The following BTRC variants were observed in gnomAD, a reference collection of about 807,000 sequenced individuals.
BTRC encodes the protein F-box/WD repeat-containing protein 1A.
BTRC carries 42 observed loss-of-function variants against 85.5 expected under a neutral mutation model. That is an observed-to-expected ratio of 0.49 (90% confidence interval 0.38 to 0.64). The LOEUF is 0.64. Among genes scored for constraint, BTRC ranks in the 30% least tolerant of loss-of-function variants. The probability of loss-of-function intolerance (pLI) is 0.00; values close to 1 mark genes in which losing one functional copy is unlikely to be tolerated. For synonymous variants in BTRC, 255 were observed against 263.3 expected (o/e 0.97, Z 0.30); for missense variants, 594 against 743.5 (o/e 0.80, Z 2.34).
intron 2 of BTRC, among the ~76,000 whole-genome samples, chr10:101,446,099 CT>C (rs1944816058): frequency 6.8e-6 from 1 of 146,264 alleles, no homozygotes; most frequent in South Asian, 2.4e-4. Flanking sequence ...ATTTTGTTCT[CT>C]TCCCCCCCCA....
Position 101,550,906 on chromosome 10 carries a change from T to A in BTRC, c.*31+15T>A. ...TACTTGCCCAGGTATCGAAATCGATTATGTACATAACACTGTGGGTAGGAG... is the reference window on the plus strand; with the variant it reads ...TACTTGCCCAGGTATCGAAATCGATAATGTACATAACACTGTGGGTAGGAG... On this transcript the variant is annotated intron_variant, in intron 14 of 14. Coordinates refer to ENST00000370187, the MANE Select transcript of BTRC (RefSeq NM_033637.4). 6 of 1,582,960 alleles carry A rather than the reference T, an allele frequency of 3.8e-6. No homozygotes were observed. Among genetic ancestry groups the A allele is most frequent in the Non-Finnish European group, 5.2e-6 (6 of 1,155,110 alleles).
intron 8 of BTRC, 123 bp from the exon 9 acceptor site, chr10:101,532,829 A>C (rs2062319671): frequency 1.3e-6 from 1 of 765,604 alleles, no homozygotes; most frequent in Non-Finnish European, 2.2e-6. Flanking sequence ...TACCTATAGA[A>C]AATGCATTCC....
chr10:101,459,392 T>A (rs1945163430), intron 2 of BTRC, among the ~76,000 whole-genome samples: 1 of 152,232 alleles, frequency 6.6e-6, no homozygotes, highest in Admixed American at 6.5e-5. Flanking sequence ...ACTGGCATTC[T>A]GCTTCTACTC....
chr10:101,499,427 A>G (rs545032230), intron 4 of BTRC, among the ~76,000 whole-genome samples: 3 of 152,044 alleles, frequency 2.0e-5, no homozygotes, highest in South Asian at 2.1e-4. Context: ...GGGTTTCACC[A>G]TGTTGCCCAG....
chr10:101,449,311 G>GA (rs201583958), intron 2 of BTRC, among the ~76,000 whole-genome samples: 35 of 149,246 alleles, frequency 2.3e-4, no homozygotes, highest in African/African-American at 5.4e-4. Context: ...AAGGATGACA[G>GA]AAAAAAAAAA....
At chr10:101,442,099 A>G (rs1374091309) in intron 2 of BTRC, among the ~76,000 whole-genome samples, 1 of 152,172 alleles carries the variant, frequency 6.6e-6, no homozygotes, top group African/African-American at 2.4e-5. Context: ...AAGCACTTTG[A>G]CAAATGACAT....
At chr10:101,387,526 G>T in intron 1 of BTRC, among the ~76,000 whole-genome samples, 1 of 25,388 alleles carries the variant, frequency 3.9e-5, no homozygotes, top group Non-Finnish European at 5.9e-5. Context: ...ACCTTCATGG[G>T]ACTTTTTTTT....
chr10:101,425,907 C>CT (rs1944239777), intron 1 of BTRC, among the ~76,000 whole-genome samples: 1 of 152,060 alleles, frequency 6.6e-6, no homozygotes, highest in Admixed American at 6.6e-5. Flanking sequence ...ACAGTCCAAA[C>CT]TTTAAGTAGA....
chr10:101,390,147 C>T (rs956876121), intron 1 of BTRC, among the ~76,000 whole-genome samples: 1 of 152,082 alleles, frequency 6.6e-6, no homozygotes, highest in African/African-American at 2.4e-5. Context: ...GAGTATATCC[C>T]AGTGCATGAC....
intron 4 of BTRC, among the ~76,000 whole-genome samples, chr10:101,511,226 C>T (rs1390133906): frequency 1.3e-5 from 2 of 152,126 alleles, no homozygotes; most frequent in Admixed American, 1.3e-4. Context: ...TTCTGCCCAG[C>T]CACATTGGCC....
At chr10:101,375,076 A>G (rs564522167) in intron 1 of BTRC, among the ~76,000 whole-genome samples, 1 of 152,310 alleles carries the variant, frequency 6.6e-6, no homozygotes, top group South Asian at 2.1e-4. Context: ...AGGGGAACTT[A>G]GCAAGGGAAG....
upstream of BTRC, chr10:101,354,088 G>A: frequency 7.0e-7 from 1 of 1,427,736 alleles, no homozygotes; most frequent in Non-Finnish European, 9.6e-7. Flanking sequence ...CGGGGGGAAG[G>A]AAGAGGAGGC....
At chr10:101,488,325 A>G (rs767654045) in intron 4 of BTRC, among the ~76,000 whole-genome samples, 1 of 152,068 alleles carries the variant, frequency 6.6e-6, no homozygotes, top group Non-Finnish European at 1.5e-5. Flanking sequence ...TTGTTTTTCT[A>G]TTACCTGTGC....
At chr10:101,419,931 T>G (rs1944053093) in intron 1 of BTRC, among the ~76,000 whole-genome samples, 1 of 152,190 alleles carries the variant, frequency 6.6e-6, no homozygotes, top group Non-Finnish European at 1.5e-5. Context: ...CGCATTGTTC[T>G]AAGGAGCTCT....
intron 1 of BTRC, among the ~76,000 whole-genome samples, chr10:101,399,637 T>C (rs10883638): frequency 0.36 from 54,835 of 151,976 alleles, 10,994 homozygotes; most frequent in Middle Eastern, 0.48. Context: ...CAGATTTTAA[T>C]AGATTTGCAA....
chr10:101,452,730 C>T (rs1392358451), intron 2 of BTRC, among the ~76,000 whole-genome samples: 1 of 152,104 alleles, frequency 6.6e-6, no homozygotes, highest in African/African-American at 2.4e-5. Flanking sequence ...GAAAAGAGCA[C>T]TCCTTGAAAG....
At chr10:101,531,071 T>C (rs1168849706) in intron 6 of BTRC, among the ~76,000 whole-genome samples, 166 bp from the exon 7 acceptor site, 1 of 152,152 alleles carries the variant, frequency 6.6e-6, no homozygotes, top group Admixed American at 6.5e-5. Context: ...CTCAGGAGGC[T>C]GAGGCAGGAG....
chr10:101,488,608 G>A (rs973079103), intron 4 of BTRC, among the ~76,000 whole-genome samples: 1 of 152,072 alleles, frequency 6.6e-6, no homozygotes, highest in Non-Finnish European at 1.5e-5. Context: ...TTAATTTTGG[G>A]AAAGTATATG....
intron 5 of BTRC, among the ~76,000 whole-genome samples, chr10:101,525,721 GTTTTCTGGAATCC>G (rs1407392141): frequency 2.6e-5 from 4 of 152,048 alleles, no homozygotes; most frequent in Non-Finnish European, 5.9e-5. Flanking sequence ...GATGTGAATT[GTTTTCTGGAATCC>G]TTTTTATTTT....
Sources: allele counts gnomAD v4.1 joint callset (sites outside exome capture counted in the v4.1 genomes callset), GRCh38; gene constraint gnomAD v4.1.1; transcripts MANE v1.5; gene names NCBI Gene and HGNC (gene_info 2026-07-23, HGNC 2026-07-21).